Variants in DGKB observed in about 807,000 individuals in gnomAD.
DGKB encodes the protein 90 kDa diacylglycerol kinase.
In DGKB, 67 loss-of-function variants were observed where a neutral mutation model predicts 114.3. The ratio of observed to expected loss-of-function variants is 0.59; its 90% CI spans 0.48 to 0.72. The LOEUF (loss-of-function observed/expected upper bound fraction) is 0.72. Ranked by LOEUF, DGKB falls within the 30% of genes least tolerant of loss-of-function variation. DGKB has a pLI of 0.00. For synonymous variants in DGKB, 398 were observed against 323.1 expected, an observed-to-expected ratio of 1.23 and a Z score of -2.49; for missense variants, 907 against 975.2, an observed-to-expected ratio of 0.93 and a Z score of 0.93.
intron 21 of DGKB, among the ~76,000 whole-genome samples, chr7:14,467,879 A>G (rs1173012153): frequency 6.6e-6 from 1 of 152,148 alleles, no homozygotes; most frequent in Admixed American, 6.6e-5. Context: ...AAGATTACCT[A>G]TAATGAGGTG....
chr7:14,504,006 C>T (rs955130362), intron 20 of DGKB, among the ~76,000 whole-genome samples: 3 of 152,074 alleles, frequency 2.0e-5, no homozygotes, highest in Non-Finnish European at 4.4e-5. Flanking sequence ...ACAAACACAA[C>T]CAAAAAGATG....
intron 21 of DGKB, among the ~76,000 whole-genome samples, chr7:14,362,841 T>C (rs1387631549): frequency 6.6e-6 from 1 of 152,128 alleles, no homozygotes; most frequent in African/African-American, 2.4e-5. Flanking sequence ...CCCATTCCTG[T>C]AAGCTTCCTT....
At chr7:14,350,376 A>G (rs994150143) in intron 21 of DGKB, among the ~76,000 whole-genome samples, 2 of 152,090 alleles carry the variant, frequency 1.3e-5, no homozygotes, top group African/African-American at 2.4e-5. Context: ...GCTTAGTAAC[A>G]TTAACGAAGT....
intron 23 of DGKB, among the ~76,000 whole-genome samples, chr7:14,235,988 A>C (rs2057972): frequency 0.61 from 92,928 of 151,766 alleles, 29,858 homozygotes; most frequent in African/African-American, 0.81. Context: ...CAGATACACA[A>C]AAACAATTTA....
At chr7:14,325,240 A>G (rs915280455) in intron 23 of DGKB, among the ~76,000 whole-genome samples, 2 of 151,884 alleles carry the variant, frequency 1.3e-5, no homozygotes, top group Admixed American at 1.3e-4. Context: ...TACAACGTGA[A>G]CTGGTTGCTG....
chr7:14,310,412 A>G (rs1805194293), intron 23 of DGKB, among the ~76,000 whole-genome samples: 2 of 152,102 alleles, frequency 1.3e-5, no homozygotes, highest in African/African-American at 4.8e-5. Context: ...TCGCAATGAG[A>G]AGGAAGACAG....
intron 21 of DGKB, among the ~76,000 whole-genome samples, chr7:14,465,761 A>T (rs1309470400): frequency 6.6e-6 from 1 of 152,122 alleles, no homozygotes; most frequent in Non-Finnish European, 1.5e-5. Flanking sequence ...TGGGGGAAAG[A>T]AGAGGTAAAT....
chr7:14,345,493 G>T, intron 21 of DGKB, 102 bp from the exon 22 acceptor site: 1 of 605,094 alleles, frequency 1.7e-6, no homozygotes. Context: ...GAAAAGGTCT[G>T]AGGACATGTG....
chr7:14,555,803 A>G (rs1048279189), intron 20 of DGKB, among the ~76,000 whole-genome samples: 11 of 152,318 alleles, frequency 7.2e-5, no homozygotes, highest in African/African-American at 2.6e-4. Flanking sequence ...CCTCACTGCT[A>G]CACACCCGCC....
intron 15 of DGKB, chr7:14,621,173 A>G (rs1807571151): frequency 2.2e-6 from 1 of 458,264 alleles, no homozygotes; most frequent in Non-Finnish European, 3.8e-6. Flanking sequence ...AGATAAAATC[A>G]TAAATGATTA....
intron 17 of DGKB, among the ~76,000 whole-genome samples, chr7:14,606,181 C>T (rs946607169): frequency 1.7e-4 from 26 of 152,082 alleles, no homozygotes; most frequent in African/African-American, 6.3e-4. Flanking sequence ...CTTGAGTTTA[C>T]AATACTTTAC....
intron 21 of DGKB, among the ~76,000 whole-genome samples, chr7:14,429,864 T>C (rs1363481475): frequency 1.3e-5 from 2 of 151,614 alleles, no homozygotes; most frequent in African/African-American, 2.4e-5. Context: ...AAGGCGGAGG[T>C]TGTAGTGAGC....
chr7:14,698,098 A>T lies in DGKB; in HGVS notation c.588T>A (p.Asn196Lys), dbSNP rs763127514. The change falls in exon 8 of 26, where the codon AAT becomes AAA. Residue 196 changes from asparagine to lysine, a missense_variant. Coordinates refer to ENST00000402815, the MANE Select transcript of DGKB (RefSeq NM_001350709.2). ...EYLEWDVTEL[N>K]PILHEMMEEI... The stretch of plus-strand genomic sequence containing the variant: ...GTGAAATCATTCATATACCTACTGG[A>T]TTAAGTTCAGTGACATCCCACTCAA... The T allele has an allele frequency of 2.6e-6, 4 of 1,534,044 alleles. No homozygotes were observed. In the South Asian group the frequency reaches 3.7e-5, roughly 14 times the overall value.
intron 23 of DGKB, among the ~76,000 whole-genome samples, chr7:14,258,635 A>G (rs759457944): frequency 6.6e-6 from 1 of 152,210 alleles, no homozygotes; most frequent in East Asian, 1.9e-4. Context: ...GAGACAGCAA[A>G]TGCAGCTGCA....
chr7:14,231,293 T>C (rs1407277970), intron 23 of DGKB, among the ~76,000 whole-genome samples: 2 of 151,738 alleles, frequency 1.3e-5, no homozygotes, highest in Non-Finnish European at 2.9e-5. Flanking sequence ...ATCACCACCA[T>C]GCTCAGCCAA....
At chr7:14,491,131 T>G (rs1389806912) in intron 20 of DGKB, among the ~76,000 whole-genome samples, 1 of 152,096 alleles carries the variant, frequency 6.6e-6, no homozygotes, top group African/African-American at 2.4e-5. Flanking sequence ...GGTTTGGCTG[T>G]GTCCCCACCC....
chr7:14,923,976 T>C, intron 1 of DGKB, among the ~76,000 whole-genome samples: 1 of 63,994 alleles, frequency 1.6e-5, no homozygotes, highest in Non-Finnish European at 2.2e-5. Context: ...ACAGTGAAGC[T>C]CCATCTCAAA....
At chr7:14,439,270 T>C (rs1313840963) in intron 21 of DGKB, among the ~76,000 whole-genome samples, 2 of 152,170 alleles carry the variant, frequency 1.3e-5, no homozygotes, top group Admixed American at 1.3e-4. Context: ...CTTCTCAAGA[T>C]ACTTTTAAAT....
At chr7:14,618,314 G>A (rs1449960025) in intron 15 of DGKB, among the ~76,000 whole-genome samples, 2 of 151,530 alleles carry the variant, frequency 1.3e-5, no homozygotes, top group African/African-American at 4.8e-5. Context: ...GTTTTGTGAG[G>A]AAAGACACTG....
Sources: gnomAD v4.1 joint callset for allele counts (sites outside exome capture counted in the v4.1 genomes callset) on GRCh38, gnomAD v4.1.1 for gene constraint, MANE v1.5 for transcripts, NCBI Gene and HGNC (gene_info 2026-07-23, HGNC 2026-07-21) for gene names.